CACNA1C: variants seen among roughly 807,000 people sequenced by gnomAD.
CACNA1C encodes calcium voltage-gated channel subunit alpha1 C.
A neutral mutation model predicts 229.0 loss-of-function variants in CACNA1C; 30 were observed. The ratio of observed to expected loss-of-function variants is 0.13; its 90% CI spans 0.10 to 0.18. CACNA1C has a LOEUF of 0.18. Among genes scored for constraint, CACNA1C ranks in the 10% least tolerant of loss-of-function variants. The probability of loss-of-function intolerance (pLI) is 1.00; values close to 1 mark genes in which losing one functional copy is unlikely to be tolerated. For synonymous variants in CACNA1C, 1,114 were observed against 1,132.5 expected (o/e 0.98, Z 0.33); for missense variants, 1,658 against 2,845.0 (o/e 0.58, Z 9.49).
chr12:2,127,867 G>A (rs1031876469), intron 3 of CACNA1C, among the ~76,000 whole-genome samples: 9 of 152,180 alleles, frequency 5.9e-5, no homozygotes, highest in African/African-American at 2.2e-4. Context: ...GAGTAGTAAT[G>A]CTTGCTTAGT....
chr12:2,572,374 T>C (rs1223030577), intron 13 of CACNA1C, among the ~76,000 whole-genome samples: 7 of 4,134 alleles, frequency 1.7e-3, no homozygotes, highest in East Asian at 9.4e-3. Context: ...CCTTCTCCTC[T>C]TCCTCCTCTT....
At chr12:2,468,849 C>T (rs939872016) in intron 5 of CACNA1C, among the ~76,000 whole-genome samples, 1 of 152,208 alleles carries the variant, frequency 6.6e-6, no homozygotes, top group Non-Finnish European at 1.5e-5. Flanking sequence ...GCCTCCTCAC[C>T]TGCAAAATGG....
In CACNA1C at chr12:2,291,233, G is replaced by A. The variant is rs554396941; in HGVS notation, c.478-157743G>A. Among the ~76,000 whole-genome samples, 3 of 152,302 alleles carry A rather than the reference G, an allele frequency of 2.0e-5. No individual in the cohort carries two copies. The East Asian group carries it at 5.8e-4, about 29-fold the overall frequency. Reference sequence around the variant, plus strand: ...AGGTCCTTCCTTTTAAGCCAGAAAAGTTATTTGGAAATGGAACAGTCTTTT... The same window carrying A: ...AGGTCCTTCCTTTTAAGCCAGAAAAATTATTTGGAAATGGAACAGTCTTTT... On this transcript the variant is annotated intron_variant, in intron 3 of 46. Coordinates refer to ENST00000399655, the MANE Select transcript of CACNA1C (RefSeq NM_000719.7).
chr12:2,585,912 T>A lies in CACNA1C; in HGVS notation c.2530+8T>A. 1 of 1,558,070 alleles carries A rather than the reference T, an allele frequency of 6.4e-7. No homozygotes were observed. Among genetic ancestry groups the A allele is most frequent in the South Asian group, 1.2e-5 (1 of 83,660 alleles). ...CCAACCCAGAAACTACAGGTACCAG[T>A]CCCACTGCCTAACCTGGGATTGGGA... is the stretch of plus-strand genomic sequence containing the variant. On this transcript the variant is annotated splice_region_variant and intron_variant, in intron 18 of 46. Coordinates refer to ENST00000399655, the MANE Select transcript of CACNA1C (RefSeq NM_000719.7). The surrounding 1 kb of genome is among the most constrained non-coding windows in gnomAD (Gnocchi z 4.1).
rs989994685 is a variant in CACNA1C, at chr12:2,053,535, C to T, written c.-28C>T. On this transcript the variant is annotated 5_prime_UTR_variant, in exon 1 of 47. Transcript: ENST00000399655. This position sits in a 1 kb window ranked among gnomAD's most constrained non-coding sequence, Gnocchi z 5.8. ...TCACATTTCTTCCTCTTCGTGGCTG[C>T]TCCTCCTATTAAAACCATTTTTGGT... is the stretch of plus-strand genomic sequence containing the variant. 12 of 1,575,392 alleles carry T rather than the reference C, an allele frequency of 7.6e-6. No homozygotes were observed. In the Admixed American group the frequency reaches 2.2e-4, roughly 29 times the overall value.
intron 3 of CACNA1C, among the ~76,000 whole-genome samples, chr12:2,304,316 T>C (rs912170767): frequency 1.3e-5 from 2 of 152,156 alleles, no homozygotes; most frequent in African/African-American, 4.8e-5. Flanking sequence ...TAGGACACGC[T>C]TTGGGCTTGC....
chr12:2,659,479 G>A (rs1454377948), intron 34 of CACNA1C, among the ~76,000 whole-genome samples: 1 of 152,142 alleles, frequency 6.6e-6, no homozygotes, highest in Admixed American at 6.6e-5. Context: ...CAACAGAATT[G>A]CCTAACCATG....
chr12:2,274,319 G>C (rs2086675343), intron 3 of CACNA1C, among the ~76,000 whole-genome samples: 1 of 152,220 alleles, frequency 6.6e-6, no homozygotes, highest in Non-Finnish European at 1.5e-5. Context: ...TCAGCTCCAA[G>C]TACCTGCTGA....
chr12:2,643,703 G>T (rs547247602), intron 30 of CACNA1C, among the ~76,000 whole-genome samples: 1 of 152,084 alleles, frequency 6.6e-6, no homozygotes, highest in Non-Finnish European at 1.5e-5. Context: ...TAAAAGGATC[G>T]TGAGGATCCC....
Position 1,991,211 on chromosome 12 carries a change from C to T in CACNA1C, c.139+20010C>T, listed in dbSNP as rs1565848252. 3 of 456,062 alleles carry T rather than the reference C, an allele frequency of 6.6e-6. 1 individual carries two copies. The highest frequency in any genetic ancestry group is 4.6e-5 in the South Asian group (3 of 64,532). The allele number at this position is 456,062 out of a possible 1,614,324, so 28.3% of individuals were successfully genotyped here. On this transcript the variant is annotated intron_variant, in intron 1 of 46. Coordinates refer to the CACNA1C transcript ENST00000682462. ...AAATCAGAATCTGTGGGTTTTTACA[C>T]AGTCTGCCTCCTCACTGGAGTCTCA...
chr12:2,564,722 A>G (rs528390544), intron 11 of CACNA1C, among the ~76,000 whole-genome samples: 6 of 152,062 alleles, frequency 3.9e-5, no homozygotes, highest in Admixed American at 1.3e-4. Flanking sequence ...CGCTCATCTC[A>G]AGGGACTATT....
intron 1 of CACNA1C, among the ~76,000 whole-genome samples, chr12:2,058,398 C>A (rs944805451): frequency 1.3e-5 from 2 of 150,466 alleles, no homozygotes; most frequent in African/African-American, 2.5e-5. Context: ...AGACTGTTTG[C>A]GAAACACCTG....
chr12:2,641,436 CAT>C (rs1036828810), intron 30 of CACNA1C: 16 of 458,588 alleles, frequency 3.5e-5, no homozygotes, highest in African/African-American at 3.0e-4. Context: ...TTCTAGGACA[CAT>C]AGATTAAATC....
In CACNA1C at chr12:2,567,705, G is replaced by A. The variant is rs775181288; in HGVS notation, c.1806G>A (p.Glu602=). The change falls in exon 13 of 47, where the codon GAG becomes GAA. Residue 602 remains glutamate, a synonymous_variant. Transcript: ENST00000399655. The stretch of plus-strand genomic sequence containing the variant: ...TCGTCGTGTGTGGCGGCATCCTGGA[G>A]ACCATCCTGGTGGAGACCAAGATCA... ...DCFVVCGGIL[E]TILVETKIMS... 31 of 1,613,632 alleles carry A rather than the reference G, an allele frequency of 1.9e-5. 1 individual carries two copies. In the Middle Eastern group the frequency reaches 1.3e-3, roughly 68 times the overall value.
chr12:2,053,235 C>G lies in CACNA1C; in HGVS notation c.-328C>G. The G allele has an allele frequency of 9.7e-7, 1 of 1,035,626 alleles. No homozygotes were observed. Among genetic ancestry groups the G allele is most frequent in the South Asian group, 4.0e-5 (1 of 24,934 alleles). 64.2% of individuals were successfully genotyped at this position (1,035,626 alleles called of 1,614,324 possible). ...GCCCCTCCTCTCCGCCTCTTCTCGC[C>G]CTGCCTCTCCCGATTTATTTTTTCA... On this transcript the variant is annotated 5_prime_UTR_variant, in exon 1 of 47. Transcript: ENST00000399655. The surrounding 1 kb of genome is among the most constrained non-coding windows in gnomAD (Gnocchi z 5.8).
At chr12:2,001,989 G>C (rs1209719471) in intron 1 of CACNA1C, among the ~76,000 whole-genome samples, 1 of 152,198 alleles carries the variant, frequency 6.6e-6, no homozygotes, top group African/African-American at 2.4e-5. Flanking sequence ...TTGACACATA[G>C]GTATTAATAT....
In CACNA1C at chr12:2,531,233, T is replaced by A. The variant is rs575038611; in HGVS notation, c.1390+18249T>A. 5.3e-5 allele frequency among the ~76,000 whole-genome samples: 8 copies of A among 152,306 alleles called. No individual in the cohort carries two copies. The South Asian group carries it at 1.7e-3, about 32-fold the overall frequency. On this transcript the variant is annotated intron_variant, in intron 9 of 46. Transcript: ENST00000399655. Reference sequence around the variant, plus strand: ...CAGGCTTACACCCAGGCACGCCCCATCTGACTCGAAAGCCTTCCCTCTTTC... The same window carrying A: ...CAGGCTTACACCCAGGCACGCCCCAACTGACTCGAAAGCCTTCCCTCTTTC...
At chr12:2,563,504 C>G (rs1442860848) in intron 11 of CACNA1C, among the ~76,000 whole-genome samples, 2 of 152,216 alleles carry the variant, frequency 1.3e-5, no homozygotes, top group Admixed American at 6.5e-5. Flanking sequence ...TAGAGCAGAA[C>G]ACTGCCTGGA....
chr12:2,198,027 G>T (rs373291282), intron 3 of CACNA1C, among the ~76,000 whole-genome samples: 4 of 152,136 alleles, frequency 2.6e-5, no homozygotes, highest in African/African-American at 4.8e-5. Context: ...CTACCGGAAG[G>T]CCCCCGTATG....
Sources: gnomAD v4.1 joint callset for allele counts (sites outside exome capture counted in the v4.1 genomes callset) on GRCh38, gnomAD v4.1.1 for gene constraint, Gnocchi (gnomAD v3.1) non-coding constraint, MANE v1.5 for transcripts, NCBI Gene and HGNC (gene_info 2026-07-23, HGNC 2026-07-21) for gene names.